Variants in DAW1 observed in about 807,000 individuals in gnomAD.
DAW1 encodes dynein assembly factor with WD repeats 1, also known as dynein assembly factor with WD repeat domains 1.
DAW1 carries 47 observed loss-of-function variants against 56.5 expected under a neutral mutation model. The ratio of observed to expected loss-of-function variants is 0.83; its 90% CI spans 0.66 to 1.06. DAW1 has a LOEUF of 1.06. DAW1 is among the 50% of genes least tolerant of loss of function. The pLI, the probability that DAW1 is intolerant of heterozygous loss-of-function variation, is 0.00. For synonymous variants in DAW1, 190 were observed against 179.0 expected (o/e 1.06, Z -0.49); for missense variants, 505 against 499.3 (o/e 1.01, Z -0.11).
intron 5 of DAW1, among the ~76,000 whole-genome samples, chr2:227,894,422 A>C (rs1188577085): frequency 1.3e-5 from 2 of 152,142 alleles, no homozygotes; most frequent in African/African-American, 4.8e-5. Context: ...TCTTAAAAAA[A>C]AAAGAATACA....
chr2:227,904,483 T>C (rs1691630844), intron 7 of DAW1, among the ~76,000 whole-genome samples: 1 of 152,190 alleles, frequency 6.6e-6, no homozygotes, highest in Admixed American at 6.5e-5. Context: ...ATCTTAATAA[T>C]TTCCTTTTTA....
At chr2:227,897,944 T>C (rs1228584304) in intron 5 of DAW1, among the ~76,000 whole-genome samples, 1 of 150,952 alleles carries the variant, frequency 6.6e-6, no homozygotes, top group Non-Finnish European at 1.5e-5. Flanking sequence ...TAAAAATTAT[T>C]ATAATCCCAA....
intron 6 of DAW1, among the ~76,000 whole-genome samples, chr2:227,901,088 G>C (rs76459178): frequency 1.2e-3 from 190 of 152,292 alleles, no homozygotes; most frequent in African/African-American, 4.4e-3. Context: ...AGAAATGGGA[G>C]GGTGGTAAAA....
At chr2:227,919,461 G>A (rs1030535691) in intron 11 of DAW1, among the ~76,000 whole-genome samples, 5 of 152,284 alleles carry the variant, frequency 3.3e-5, no homozygotes, top group Middle Eastern at 3.4e-3. Context: ...AATTTAAGGA[G>A]CGTGTAAACT....
chr2:227,906,388 T>A (rs757498576), intron 9 of DAW1, 50 bp downstream of exon 9: 1 of 1,258,200 alleles, frequency 7.9e-7, no homozygotes, highest in South Asian at 1.6e-5. Context: ...CTATACTCTT[T>A]ACTGTGTCAG....
chr2:227,911,211 T>TATATATACATACATATGTGTATATATAC (rs1691806666), intron 10 of DAW1, among the ~76,000 whole-genome samples: 3 of 135,408 alleles, frequency 2.2e-5, no homozygotes, highest in Admixed American at 1.5e-4. Flanking sequence ...TATATATGTG[T>TATATATACATACATATGTGTATATATAC]ATATATACAT....
intron 1 of DAW1, among the ~76,000 whole-genome samples, chr2:227,884,998 C>T (rs1381981538): frequency 6.6e-6 from 1 of 152,094 alleles, no homozygotes; most frequent in African/African-American, 2.4e-5. Flanking sequence ...CCCTCTTGTC[C>T]TAGTTTTGGG....
At chr2:227,897,309 C>A (rs1691433318) in intron 5 of DAW1, among the ~76,000 whole-genome samples, 2 of 151,922 alleles carry the variant, frequency 1.3e-5, no homozygotes. Context: ...GTCTGAGAGA[C>A]CACCTAGACA....
At chr2:227,917,266 CT>C (rs111771960) in intron 10 of DAW1, among the ~76,000 whole-genome samples, 68,539 of 142,136 alleles carry the variant, frequency 0.48, 16,626 homozygotes, top group Middle Eastern at 0.63. Flanking sequence ...TTTTTTGTTT[CT>C]TTTTTTTTTT....
At chr2:227,906,584 T>C (rs1024262490) in intron 9 of DAW1, among the ~76,000 whole-genome samples, 2 of 152,214 alleles carry the variant, frequency 1.3e-5, no homozygotes, top group African/African-American at 2.4e-5. Flanking sequence ...AGGCATTTTA[T>C]TTTTATTTAA....
At chr2:227,907,005 TG>T (rs111606049) in intron 9 of DAW1, 132 bp from the exon 10 acceptor site, 1 of 594,136 alleles carries the variant, frequency 1.7e-6, no homozygotes, top group African/African-American at 1.9e-5. Context: ...TGAACATGCA[TG>T]AATTACACAA....
chr2:227,909,441 T>C (rs1353951760), intron 10 of DAW1, among the ~76,000 whole-genome samples: 3 of 149,340 alleles, frequency 2.0e-5, no homozygotes, highest in African/African-American at 7.3e-5. Context: ...TAACCAATAG[T>C]ATATAAATAC....
At chr2:227,883,164 C>T (rs998177699) in intron 1 of DAW1, among the ~76,000 whole-genome samples, 1 of 152,058 alleles carries the variant, frequency 6.6e-6, no homozygotes, top group African/African-American at 2.4e-5. Flanking sequence ...AATGTGAGCC[C>T]ACAACTTTCA....
At chr2:227,914,903 C>T (rs1184518515) in intron 10 of DAW1, among the ~76,000 whole-genome samples, 1 of 151,996 alleles carries the variant, frequency 6.6e-6, no homozygotes, top group Non-Finnish European at 1.5e-5. Context: ...GGCTATAGGC[C>T]ACCATGACAA....
chr2:227,885,340 T>C lies in DAW1; in HGVS notation c.41-11T>C. 6.4e-7 allele frequency: 1 copy of C among 1,567,808 alleles called. No homozygotes were observed. ...GTAAGTGTTTTATAACATGTTTGTTTATTTCTATAGGAATTATGTTGGAAT... is the reference window on the plus strand; with the variant it reads ...GTAAGTGTTTTATAACATGTTTGTTCATTTCTATAGGAATTATGTTGGAAT... On this transcript the variant is annotated splice_polypyrimidine_tract_variant and intron_variant, in intron 1 of 12. Transcript: ENST00000309931.
chr2:227,885,276 T>C (rs1178097526), intron 1 of DAW1, 75 bp from the exon 2 acceptor site: 1 of 1,032,186 alleles, frequency 9.7e-7, no homozygotes, highest in Non-Finnish European at 1.4e-6. Flanking sequence ...TGGAAAAAAC[T>C]GTGGCAAGGT....
intron 9 of DAW1, among the ~76,000 whole-genome samples, chr2:227,906,712 A>T (rs914311634): frequency 6.6e-6 from 1 of 152,198 alleles, no homozygotes; most frequent in Admixed American, 6.5e-5. Flanking sequence ...AAGAGATTAT[A>T]CTATGGAATT....
chr2:227,918,583 C>G (rs2106216937), intron 10 of DAW1, among the ~76,000 whole-genome samples, 197 bp from the exon 11 acceptor site: 1 of 152,260 alleles, frequency 6.6e-6, no homozygotes, highest in Non-Finnish European at 1.5e-5. Flanking sequence ...TAAAGAGGAG[C>G]TCCCTCTCAC....
chr2:227,880,667 G>A (rs1353997688), intron 1 of DAW1, among the ~76,000 whole-genome samples: 4 of 152,186 alleles, frequency 2.6e-5, no homozygotes, highest in Non-Finnish European at 5.9e-5. Flanking sequence ...CGCAACAGCT[G>A]CTTAGATTAC....
Sources: gnomAD v4.1 joint callset for allele counts (sites outside exome capture counted in the v4.1 genomes callset) on GRCh38, gnomAD v4.1.1 for gene constraint, MANE v1.5 for transcripts, NCBI Gene and HGNC (gene_info 2026-07-23, HGNC 2026-07-21) for gene names.